The following BCKDHB variants were observed in gnomAD, a reference collection of about 807,000 sequenced individuals.
The protein encoded by BCKDHB is 2-oxoisovalerate dehydrogenase subunit beta, mitochondrial.
In BCKDHB, 41 loss-of-function variants were observed where a neutral mutation model predicts 48.5. The ratio of observed to expected loss-of-function variants is 0.85; its 90% CI spans 0.66 to 1.10. The LOEUF (loss-of-function observed/expected upper bound fraction) is 1.10. BCKDHB is among the 50% of genes least tolerant of loss of function. BCKDHB has a pLI of 0.00. For missense variants in BCKDHB, 496 were observed against 494.2 expected (o/e 1.00, Z -0.03); for synonymous variants, 201 against 174.8 (o/e 1.15, Z -1.18).
At chr6:80,170,043 T>C (rs1772824828) in intron 5 of BCKDHB, 6 of 667,146 alleles carry the variant, frequency 9.0e-6, no homozygotes, top group Admixed American at 6.3e-5. Flanking sequence ...CCTCTTCCTT[T>C]TTCCTTTTTT....
chr6:80,158,098 G>T (rs909038303), intron 3 of BCKDHB, among the ~76,000 whole-genome samples: 1 of 152,190 alleles, frequency 6.6e-6, no homozygotes, highest in African/African-American at 2.4e-5. Context: ...GACAGTCTGT[G>T]TTCTTAGCAG....
At chr6:80,459,905 C>T in the BCKDHB span, among the ~76,000 whole-genome samples, 1 of 152,070 alleles carries the variant, frequency 6.6e-6, no homozygotes, top group Non-Finnish European at 1.5e-5. Flanking sequence ...GATCCATAAG[C>T]CATTTCCAAA....
intron 8 of BCKDHB, among the ~76,000 whole-genome samples, chr6:80,220,304 G>GTTTTTTTTTTTTTTTTTTTTTCTTTTTTT (rs56967096): frequency 1.6e-5 from 1 of 60,860 alleles, no homozygotes; most frequent in Non-Finnish European, 2.9e-5. Context: ...CATGCTATTT[G>GTTTTTTTTTTTTTTTTTTTTTCTTTTTTT]TTTTTTTTTT....
intron 8 of BCKDHB, among the ~76,000 whole-genome samples, chr6:80,220,766 CT>C (rs1775409686): frequency 8.1e-6 from 1 of 123,034 alleles, no homozygotes; most frequent in African/African-American, 3.2e-5. Flanking sequence ...TGGAGTTTTG[CT>C]CTTGTCACTC....
At chr6:80,144,329 A>T (rs1207907298) in intron 3 of BCKDHB, among the ~76,000 whole-genome samples, 2 of 152,214 alleles carry the variant, frequency 1.3e-5, no homozygotes, top group Non-Finnish European at 2.9e-5. Context: ...CTTTTGTCAA[A>T]TAAAGATTCT....
At chr6:80,260,130 A>G (rs1170693677) in intron 8 of BCKDHB, among the ~76,000 whole-genome samples, 1 of 151,720 alleles carries the variant, frequency 6.6e-6, no homozygotes, top group Non-Finnish European at 1.5e-5. Flanking sequence ...TCTAGACACC[A>G]CTCTCACCGC....
chr6:80,442,935 T>C, the BCKDHB span, among the ~76,000 whole-genome samples: 3 of 152,130 alleles, frequency 2.0e-5, no homozygotes, highest in Admixed American at 6.6e-5. Context: ...GCAGCTATTG[T>C]AGTGGGAATG....
rs192904197 is a variant in BCKDHB at position 80,213,758 on chromosome 6, T to A, written c.951+10546T>A. On this transcript the variant is annotated intron_variant, in intron 8 of 9. Transcript: ENST00000320393. ...CTCCATTTTTCTCTCCAGCTCTTTT[T>A]CCTGCTTTCCCTTTCTTTTCTCTTT... Among the ~76,000 whole-genome samples the A allele has an allele frequency of 1.8e-3, 278 of 152,232 alleles. 2 individuals are homozygous for A. The highest frequency in any genetic ancestry group is 5.9e-3 in the African/African-American group (243 of 41,528).
At chr6:80,170,161 G>A (rs1048975923) in intron 5 of BCKDHB, among the ~76,000 whole-genome samples, 2 of 151,640 alleles carry the variant, frequency 1.3e-5, no homozygotes, top group Admixed American at 6.6e-5. Flanking sequence ...TGTGTGATAT[G>A]GTTATTAATG....
intron 6 of BCKDHB, among the ~76,000 whole-genome samples, chr6:80,184,084 CA>C (rs1419706429): frequency 1.3e-5 from 2 of 152,102 alleles, no homozygotes; most frequent in Non-Finnish European, 2.9e-5. Flanking sequence ...AAATAAGTTT[CA>C]ACTTATTCAT....
At chr6:80,283,430 T>A (rs1247802595) in intron 9 of BCKDHB, among the ~76,000 whole-genome samples, 1 of 152,110 alleles carries the variant, frequency 6.6e-6, no homozygotes, top group East Asian at 1.9e-4. Flanking sequence ...TCTGTAGTCA[T>A]AAGTAGTCCC....
intron 3 of BCKDHB, among the ~76,000 whole-genome samples, chr6:80,136,966 G>A (rs895558490): frequency 2.6e-5 from 4 of 152,160 alleles, no homozygotes; most frequent in African/African-American, 9.7e-5. Flanking sequence ...GAAATAACAA[G>A]TGTTGCTGAG....
At chr6:80,433,733 G>T in the BCKDHB span, among the ~76,000 whole-genome samples, 1 of 152,094 alleles carries the variant, frequency 6.6e-6, no homozygotes, top group African/African-American at 2.4e-5. Context: ...AACTCCTGAA[G>T]CTAGTTCGAT....
At chr6:80,400,682 C>G in the BCKDHB span, among the ~76,000 whole-genome samples, 1 of 151,228 alleles carries the variant, frequency 6.6e-6, no homozygotes, top group South Asian at 2.1e-4. Context: ...GAGCTAAAAA[C>G]AGTACTTCAA....
chr6:80,445,623 A>G, the BCKDHB span, among the ~76,000 whole-genome samples: 1 of 152,220 alleles, frequency 6.6e-6, no homozygotes, highest in African/African-American at 2.4e-5. Context: ...TTTTAAGGAG[A>G]ATATACCTAA....
chr6:80,408,230 T>G, the BCKDHB span, among the ~76,000 whole-genome samples: 1 of 152,192 alleles, frequency 6.6e-6, no homozygotes, highest in South Asian at 2.1e-4. Context: ...GATAAGCTTT[T>G]TGATCTGTTG....
At chr6:80,380,308 T>C in the BCKDHB span, among the ~76,000 whole-genome samples, 22 of 151,980 alleles carry the variant, frequency 1.4e-4, no homozygotes, top group African/African-American at 4.8e-4. Context: ...GGATCTTTGA[T>C]AAAGTTTACA....
intron 3 of BCKDHB, among the ~76,000 whole-genome samples, chr6:80,155,876 G>T (rs1275568302): frequency 7.1e-6 from 1 of 141,178 alleles, no homozygotes; most frequent in Non-Finnish European, 1.5e-5. Flanking sequence ...TTTTTTGAGT[G>T]CTTGGTTGTT....
chr6:80,248,706 C>T (rs1776713401), intron 8 of BCKDHB, among the ~76,000 whole-genome samples: 1 of 152,070 alleles, frequency 6.6e-6, no homozygotes, highest in African/African-American at 2.4e-5. Context: ...TTAAGGTATC[C>T]AGTGGCTGGT....
Sources: gnomAD v4.1 joint callset for allele counts (sites outside exome capture counted in the v4.1 genomes callset) on GRCh38, gnomAD v4.1.1 for gene constraint, MANE v1.5 for transcripts, NCBI Gene and HGNC (gene_info 2026-07-23, HGNC 2026-07-21) for gene names.